The following CCDC40 variants were observed in gnomAD, a reference collection of about 807,000 sequenced individuals.
CCDC40 encodes coiled-coil domain-containing protein 40.
In CCDC40, 104 loss-of-function variants were observed where a neutral mutation model predicts 124.5. That is an observed-to-expected ratio of 0.84 (90% CI 0.71 to 0.98). The LOEUF (loss-of-function observed/expected upper bound fraction) is 0.98, where lower values mean the gene tolerates loss of function less well. CCDC40 is among the 50% of genes least tolerant of loss of function. The pLI, the probability that CCDC40 is intolerant of heterozygous loss-of-function variation, is 0.00. For missense variants in CCDC40, 1,463 were observed against 1,503.9 expected (o/e 0.97, Z 0.45); for synonymous variants, 580 against 602.9 (o/e 0.96, Z 0.56).
chr17:80,068,548 A>G (rs2038108805), intron 10 of CCDC40, among the ~76,000 whole-genome samples: 1 of 152,100 alleles, frequency 6.6e-6, no homozygotes, highest in African/African-American at 2.4e-5. Context: ...TGACCTTGAG[A>G]TGTTCAGATT....
chr17:80,098,257 G>C (rs571840972), intron 19 of CCDC40, among the ~76,000 whole-genome samples: 1 of 152,362 alleles, frequency 6.6e-6, no homozygotes, highest in Admixed American at 6.5e-5. Flanking sequence ...GGGCGGCCCA[G>C]ACTGTGTGCG....
rs1338182795 is a variant in CCDC40, at chr17:80,067,339, C to T, written c.1562+1733C>T. On this transcript the variant is annotated intron_variant, in intron 10 of 19. Transcript: ENST00000397545. ...CTCGGCCCGCAGTCACTAGAACCCCCTCCCAAGACAAGCAAAGGCACCTGG... is the reference window on the plus strand; with the variant it reads ...CTCGGCCCGCAGTCACTAGAACCCCTTCCCAAGACAAGCAAAGGCACCTGG... 5.1e-6 allele frequency: 3 copies of T among 591,788 alleles called. No individual in the cohort carries two copies. The African/African-American group carries it at 5.6e-5, about 11-fold the overall frequency. The allele number at this position is 591,788 out of a possible 1,614,324, so 36.7% of individuals were successfully genotyped here.
chr17:80,065,510 G>A lies in CCDC40; in HGVS notation c.1466G>A (p.Ser489Asn). 1.9e-6 allele frequency: 3 copies of A among 1,613,144 alleles called. No homozygotes were observed. Among genetic ancestry groups the A allele is most frequent in the Non-Finnish European group, 2.5e-6 (3 of 1,179,978 alleles). Residue 489 changes from serine to asparagine, a missense_variant, in exon 10 of 20, where the codon AGC (serine) becomes AAC (asparagine). Ser to Asn is a conservative substitution (Grantham distance 46). Transcript: ENST00000397545. ...GCCTGCACCGAGATCGACGCCATCA[G>A]CGTGGAGAAGAGGCGCATCATGCAG... ...SEACTEIDAI[S>N]VEKRRIMQQW...
intron 10 of CCDC40, among the ~76,000 whole-genome samples, chr17:80,080,295 C>A (rs752912041): frequency 6.6e-6 from 1 of 152,134 alleles, no homozygotes; most frequent in African/African-American, 2.4e-5. Context: ...AAATTCAAAT[C>A]CTCATGCTGA....
At chr17:80,038,061 G>T (rs2037175209) in intron 1 of CCDC40, 62 bp from the exon 2 acceptor site, 4 of 1,104,108 alleles carry the variant, frequency 3.6e-6, no homozygotes, top group Admixed American at 1.7e-5. Flanking sequence ...TTCAGGAGGG[G>T]ATAAGGACCA....
intron 19 of CCDC40, 134 bp from the exon 20 acceptor site, chr17:80,099,393 C>T (rs2038872621): frequency 9.6e-7 from 1 of 1,043,142 alleles, no homozygotes; most frequent in Admixed American, 1.8e-5. Flanking sequence ...GGCGCAACAC[C>T]TTCACGCCGT....
chr17:80,045,108 T>C (rs1372723765), intron 3 of CCDC40, among the ~76,000 whole-genome samples: 3 of 152,204 alleles, frequency 2.0e-5, no homozygotes, highest in Non-Finnish European at 4.4e-5. Flanking sequence ...GTCAACACCA[T>C]CTGCGGAAGT....
At chr17:80,049,876 G>A (rs746754926) in intron 5 of CCDC40, 30 bp from the exon 6 acceptor site, 2 of 1,600,456 alleles carry the variant, frequency 1.2e-6, no homozygotes, top group East Asian at 2.2e-5. Context: ...AACCAGAAAG[G>A]TAACCACCTG....
chr17:80,054,229 A>C (rs971687498), intron 7 of CCDC40, among the ~76,000 whole-genome samples: 15 of 152,240 alleles, frequency 9.9e-5, no homozygotes, highest in African/African-American at 3.6e-4. Context: ...TCATGCAAGT[A>C]ACAGTGTTGG....
Position 80,087,669 on chromosome 17 carries a change from A to G in CCDC40, c.2512A>G (p.Asn838Asp). 5 of 1,613,992 alleles carry G rather than the reference A, an allele frequency of 3.1e-6. No homozygotes were observed. Among genetic ancestry groups the G allele is most frequent in the Middle Eastern group, 1.7e-4 (1 of 6,060 alleles). The change falls in exon 15 of 20, where the codon AAC (asparagine) becomes GAC (aspartate). Residue 838 changes from asparagine (N) to aspartate (D), a missense_variant. Physicochemically the swap from Asn to Asp is conservative, Grantham distance 23. Coordinates refer to ENST00000397545, the MANE Select transcript of CCDC40 (RefSeq NM_017950.4). This position sits in a 1 kb window ranked among gnomAD's most constrained non-coding sequence, Gnocchi z 4.5. ...EIEHHMKDLD[N>D]DLKKLNMLMN... ...CGAGCACCACATGAAGGACCTGGAC[A>G]ACGACCTGAAGAAGCTCAACATGTT... is the stretch of plus-strand genomic sequence containing the variant.
In CCDC40 at chr17:80,089,830, C is replaced by T. The variant is rs779599093; in HGVS notation, c.2778C>T (p.Ser926=). Reference sequence around the variant, plus strand: ...AAGAGATGCGTTCCTCAGTGGATTCCGAGATCGGCCAGACGGAGATCCGGG... The same window carrying T: ...AAGAGATGCGTTCCTCAGTGGATTCTGAGATCGGCCAGACGGAGATCCGGG... ...LAKEMRSSVD[S]EIGQTEIRAM... is the part of the protein sequence containing the mutation. The change falls in exon 17 of 20, where the codon TCC becomes TCT. Residue 926 remains serine, a synonymous_variant. Transcript: ENST00000397545. 1.7e-5 allele frequency: 28 copies of T among 1,614,098 alleles called. 1 individual carries two copies. Among genetic ancestry groups the T allele is most frequent in the Middle Eastern group, 1.6e-4 (1 of 6,084 alleles).
Position 80,050,174 on chromosome 17 carries a change from C to G in CCDC40, c.1050C>G (p.Asp350Glu), listed in dbSNP as rs1279236282. The change falls in exon 7 of 20, where the codon GAC becomes GAG. Residue 350 changes from aspartate (D) to glutamate (E), a missense_variant. Transcript: ENST00000397545. ...AGAAGCTGCTGGAGAAGAGTCACGA[C>G]CGCCACGCAATGGCCTCGAGCGAGC... ...HLQKLLEKSH[D>E]RHAMASSERR... 3.7e-6 allele frequency: 6 copies of G among 1,613,266 alleles called. No individual in the cohort carries two copies. The African/African-American group carries it at 8.0e-5, about 22-fold the overall frequency.
chr17:80,037,682 T>TAAAA (rs1423212184), intron 1 of CCDC40, among the ~76,000 whole-genome samples: 3,390 of 95,890 alleles, frequency 0.035, 108 homozygotes, highest in Non-Finnish European at 0.045. Context: ...CTTTAATTTT[T>TAAAA]TAAAAAAGAT....
intron 10 of CCDC40, among the ~76,000 whole-genome samples, chr17:80,075,441 C>T (rs1273184349): frequency 6.6e-6 from 1 of 152,114 alleles, no homozygotes; most frequent in African/African-American, 2.4e-5. Flanking sequence ...CTACGCCCAA[C>T]TAATTTTATT....
At chr17:80,042,507 C>T (rs1384580953) in intron 3 of CCDC40, among the ~76,000 whole-genome samples, 1 of 152,186 alleles carries the variant, frequency 6.6e-6, no homozygotes, top group African/African-American at 2.4e-5. Flanking sequence ...TGTATACTCA[C>T]CTGATATTCT....
intron 3 of CCDC40, among the ~76,000 whole-genome samples, chr17:80,041,380 C>T (rs2037277998): frequency 1.3e-5 from 2 of 152,076 alleles, no homozygotes; most frequent in African/African-American, 4.8e-5. Flanking sequence ...TGGTGGTGCA[C>T]ACCTGTAATC....
intron 10 of CCDC40, among the ~76,000 whole-genome samples, chr17:80,075,470 CT>C (rs1343853170): frequency 6.6e-6 from 1 of 152,012 alleles, no homozygotes; most frequent in East Asian, 1.9e-4. Context: ...GTTGGAATTG[CT>C]TTTATTGGGG....
At chr17:80,044,708 A>T (rs1164540721) in intron 3 of CCDC40, among the ~76,000 whole-genome samples, 8,804 of 29,840 alleles carry the variant, frequency 0.3, 615 homozygotes, top group African/African-American at 0.44. Flanking sequence ...CAAACAAACA[A>T]AAAAAAAAAT....
Position 80,099,717 on chromosome 17 carries a change from C to T in CCDC40, c.3371C>T (p.Ala1124Val). ...VRDEYPQFQE[A>V]LHKVSQMIAN... ...GACGAGTACCCCCAGTTCCAGGAGG[C>T]CCTGCACAAGGTCAGCCAGATGATC... The change falls in exon 20 of 20, where the codon GCC becomes GTC. Residue 1124 changes from alanine to valine, a missense_variant. By Grantham distance (64) the Ala-to-Val change is moderately conservative (BLOSUM62 0). Transcript: ENST00000397545. The T allele has an allele frequency of 1.2e-6, 2 of 1,613,724 alleles. No homozygotes were observed. The highest frequency in any genetic ancestry group is 8.5e-7 in the Non-Finnish European group (1 of 1,179,992).
Sources: gnomAD v4.1 joint callset for allele counts (sites outside exome capture counted in the v4.1 genomes callset) on GRCh38, gnomAD v4.1.1 for gene constraint, Gnocchi (gnomAD v3.1) non-coding constraint, MANE v1.5 for transcripts, NCBI Gene and HGNC (gene_info 2026-07-23, HGNC 2026-07-21) for gene names.